The following L3MBTL1 variants were observed in gnomAD, a reference collection of about 807,000 sequenced individuals.
The protein encoded by L3MBTL1 is lethal(3)malignant brain tumor-like protein 1.
Under a neutral mutation model 105.3 loss-of-function variants are expected in L3MBTL1, and 75 were observed. The ratio of observed to expected loss-of-function variants is 0.71; its 90% CI spans 0.59 to 0.86. The LOEUF is 0.86. Among genes scored for constraint, L3MBTL1 ranks in the 40% least tolerant of loss-of-function variants. L3MBTL1 has a pLI of 0.00. For missense variants in L3MBTL1, 1,069 were observed against 1,126.4 expected, an observed-to-expected ratio of 0.95 and a Z score of 0.73; for synonymous variants, 452 against 436.2, an observed-to-expected ratio of 1.04 and a Z score of -0.45.
intron 6 of L3MBTL1, chr20:43,515,643 A>G (rs2018350957): frequency 1.8e-6 from 1 of 565,306 alleles, no homozygotes; most frequent in East Asian, 3.2e-5. Context: ...GTTTAGTGTC[A>G]AGGTTAAGAC....
At chr20:43,530,533 C>T in intron 10 of L3MBTL1, 114 bp downstream of exon 10, 2 of 1,210,032 alleles carry the variant, frequency 1.7e-6, no homozygotes, top group South Asian at 1.5e-5. Flanking sequence ...TACCCTGTTC[C>T]AAAGCCAGCC....
chr20:43,508,881 G>A (rs1045517966), intron 1 of L3MBTL1, among the ~76,000 whole-genome samples: 5 of 152,222 alleles, frequency 3.3e-5, no homozygotes, highest in African/African-American at 9.6e-5. Context: ...TCCAAAGTAA[G>A]GCAAGGGGGT....
At chr20:43,512,601 A>G (rs2018162062) in intron 1 of L3MBTL1, among the ~76,000 whole-genome samples, 1 of 152,252 alleles carries the variant, frequency 6.6e-6, no homozygotes, top group Non-Finnish European at 1.5e-5. Context: ...CTCAATAGCC[A>G]CATGTGGCTA....
rs190990884 is a variant in L3MBTL1, at chr20:43,508,122, C to T, written c.-29+378C>T. On this transcript the variant is annotated intron_variant, in intron 1 of 21. Transcript: ENST00000418998. ...TGGTTTTCTTGGGAAATGAATGAGT[C>T]ATTTGGCAAACTTTCCTACCATTAA... is the stretch of plus-strand genomic sequence containing the variant. Among the ~76,000 whole-genome samples the T allele has an allele frequency of 9.3e-5, 14 of 151,002 alleles. No homozygotes were observed. The East Asian group carries it at 2.3e-3, about 25-fold the overall frequency.
Position 43,513,548 on chromosome 20 carries a change from G to A in L3MBTL1, c.45G>A (p.Gly15=). The A allele has an allele frequency of 6.4e-7, 1 of 1,550,768 alleles. No homozygotes were observed. The highest frequency in any genetic ancestry group is 1.4e-5 in the African/African-American group (1 of 73,166). ...AEMEMLRTLK[G]PSTGEVSMHL... is the part of the protein sequence containing the mutation. ...TGGAGATGCTGAGGACACTGAAGGGGCCTTCCACAGGGGAGGTCAGCATGC... is the reference window on the plus strand; with the variant it reads ...TGGAGATGCTGAGGACACTGAAGGGACCTTCCACAGGGGAGGTCAGCATGC... The change falls in exon 2 of 22, where the codon GGG becomes GGA. Residue 15 remains glycine (G), a synonymous_variant. Transcript: ENST00000418998.
chr20:43,526,422 G>A (rs969214891), intron 7 of L3MBTL1, among the ~76,000 whole-genome samples: 6 of 152,196 alleles, frequency 3.9e-5, no homozygotes, highest in Admixed American at 1.3e-4. Context: ...CAGTAAGAAT[G>A]GAGGAAGACT....
intron 15 of L3MBTL1, 110 bp from the exon 16 acceptor site, chr20:43,534,718 T>A: frequency 1.3e-6 from 1 of 748,724 alleles, no homozygotes; most frequent in Admixed American, 2.7e-5. Flanking sequence ...CCCTTGGTTC[T>A]TTCAATCCAG....
chr20:43,528,717 T>C lies in L3MBTL1; in HGVS notation c.923T>C (p.Ile308Thr). The C allele has an allele frequency of 6.2e-7, 1 of 1,613,796 alleles. No individual in the cohort carries two copies. Among genetic ancestry groups the C allele is most frequent in the South Asian group, 1.1e-5 (1 of 91,078 alleles). ...TCCTACCTAGAGGAGCAGAAGGCCA[T>C]TACTGCTCCAGTCAGCCTCTTCCAG... ...WESYLEEQKA[I>T]TAPVSLFQDS... The change falls in exon 8 of 22, where the codon ATT becomes ACT. Residue 308 changes from isoleucine to threonine, a missense_variant. Transcript: ENST00000418998.
At position 43,513,956 on chromosome 20, in the gene L3MBTL1, C is replaced by T; in HGVS notation, c.255C>T (p.Thr85=). ...CCGGCTGCGAACCAGTTTCTGCCAC[C>T]GTCCTGCCGCAGCTTAGCGCCGGGC... is the stretch of plus-strand genomic sequence containing the variant. The part of the protein sequence containing the change: ...QVAGCEPVSA[T]VLPQLSAGPA... Residue 85 remains threonine, a synonymous_variant, in exon 3 of 22, where the codon ACC becomes ACT. Transcript: ENST00000418998. 1 of 1,549,410 alleles carries T rather than the reference C, an allele frequency of 6.5e-7. No homozygotes were observed. The highest frequency in any genetic ancestry group is 2.4e-5 in the East Asian group (1 of 40,920).
downstream of L3MBTL1, among the ~76,000 whole-genome samples, chr20:43,543,744 G>A (rs1415838396): frequency 6.6e-6 from 1 of 152,204 alleles, no homozygotes. Context: ...AGACCAGCCA[G>A]TAGAGGGTTG....
In L3MBTL1 at chr20:43,515,139, C is replaced by T. The variant is rs1195239508; in HGVS notation, c.633C>T (p.Cys211=). The T allele has an allele frequency of 2.5e-6, 4 of 1,614,144 alleles. No individual in the cohort carries two copies. In the East Asian group the frequency reaches 6.7e-5, roughly 27 times the overall value. The change falls in exon 5 of 22, where the codon TGC becomes TGT. Residue 211 remains cysteine, a synonymous_variant. Coordinates refer to ENST00000418998, the MANE Select transcript of L3MBTL1 (RefSeq NM_001377303.1). ...ATCTTGGTTCCTCTAATGATGGCTGCCCTCAGCTGTTCCAGGAGCGGTAAG... is the reference window on the plus strand; with the variant it reads ...ATCTTGGTTCCTCTAATGATGGCTGTCCTCAGCTGTTCCAGGAGCGGTAAG... ...GPDLGSSNDG[C]PQLFQERSVI... is the part of the protein sequence containing the mutation.
At chr20:43,537,349 C>T (rs749584863) in intron 19 of L3MBTL1, among the ~76,000 whole-genome samples, 2 of 152,214 alleles carry the variant, frequency 1.3e-5, no homozygotes, top group Non-Finnish European at 2.9e-5. Context: ...CCTTGGCTTG[C>T]AGATGGCTGC....
chr20:43,525,591 G>C (rs977860926), intron 7 of L3MBTL1, among the ~76,000 whole-genome samples: 9 of 152,160 alleles, frequency 5.9e-5, no homozygotes, highest in Non-Finnish European at 1.3e-4. Flanking sequence ...CTTGGGTTTA[G>C]GGATATGCCT....
Position 43,541,142 on chromosome 20 carries a change from C to G in L3MBTL1, c.*14C>G. On this transcript the variant is annotated 3_prime_UTR_variant, in exon 22 of 22. Transcript: ENST00000418998. ...AGTCAATATTAAAGTGTACTTTTTT[C>G]CCCTTTAATCCAATATAGTTGATAA... 1 of 1,607,858 alleles carries G rather than the reference C, an allele frequency of 6.2e-7. No homozygotes were observed. The highest frequency in any genetic ancestry group is 8.5e-7 in the Non-Finnish European group (1 of 1,175,076).
At chr20:43,520,407 A>G (rs574603008) in intron 7 of L3MBTL1, among the ~76,000 whole-genome samples, 3 of 152,274 alleles carry the variant, frequency 2.0e-5, no homozygotes, top group Admixed American at 6.5e-5. Context: ...TTTCTTGGGT[A>G]TATACTTAGG....
rs1359690445 is a variant in L3MBTL1, at chr20:43,534,866, G to A, written c.1749G>A (p.Trp583Ter). 6.2e-7 allele frequency: 1 copy of A among 1,610,836 alleles called. No individual in the cohort carries two copies. The highest frequency in any genetic ancestry group is 8.5e-7 in the Non-Finnish European group (1 of 1,179,740). ...GCTGGAGTCATGGCTATGATTTCTG[G>A]ATCGACGCTGACCACCCAGACATCC... ...FDGWSHGYDF[W>*]IDADHPDIHP... is the part of the protein sequence containing the mutation. Residue 583 changes from tryptophan to a stop codon, truncating the protein, a stop_gained, in exon 16 of 22, where the codon TGG becomes TGA. Coordinates refer to ENST00000418998, the MANE Select transcript of L3MBTL1 (RefSeq NM_001377303.1). LOFTEE classifies it high-confidence loss of function.
At chr20:43,539,275 A>G (rs185168781) in intron 19 of L3MBTL1, 1 of 152,766 alleles carries the variant, frequency 6.5e-6, no homozygotes, top group African/African-American at 2.4e-5. Flanking sequence ...CTCCTGGACC[A>G]TGGACAGAGG....
chr20:43,509,845 A>G (rs529101381), intron 1 of L3MBTL1, among the ~76,000 whole-genome samples: 5 of 152,232 alleles, frequency 3.3e-5, no homozygotes, highest in Non-Finnish European at 5.9e-5. Context: ...CAGTGTTTCA[A>G]ATAAAAAGAT....
At chr20:43,520,014 T>C (rs1301420378) in intron 7 of L3MBTL1, among the ~76,000 whole-genome samples, 8 of 152,014 alleles carry the variant, frequency 5.3e-5, no homozygotes, top group Non-Finnish European at 1.2e-4. Context: ...ATTCACAGAG[T>C]TCTGTAACCA....
Sources: gnomAD v4.1 joint callset for allele counts (sites outside exome capture counted in the v4.1 genomes callset) on GRCh38, gnomAD v4.1.1 for gene constraint, MANE v1.5 for transcripts, NCBI Gene and HGNC (gene_info 2026-07-23, HGNC 2026-07-21) for gene names.